The following SNX29 variants were observed in gnomAD, a reference collection of about 807,000 sequenced individuals.
SNX29 encodes the protein sorting nexin-29.
SNX29 carries 78 observed loss-of-function variants against 102.1 expected under a neutral mutation model. That is an observed-to-expected ratio of 0.76 (90% confidence interval 0.64 to 0.92). The LOEUF (loss-of-function observed/expected upper bound fraction) is 0.92. SNX29 is among the 40% of genes least tolerant of loss of function. SNX29 has a pLI of 0.00. For missense variants in SNX29, 1,280 were observed against 1,061.7 expected, an observed-to-expected ratio of 1.21 and a Z score of -2.86; for synonymous variants, 580 against 414.5, an observed-to-expected ratio of 1.40 and a Z score of -4.85.
At chr16:12,551,960 G>C (rs540170503) in intron 20 of SNX29, among the ~76,000 whole-genome samples, 1 of 152,136 alleles carries the variant, frequency 6.6e-6, no homozygotes, top group Non-Finnish European at 1.5e-5. Context: ...CCCCAGCCAG[G>C]CTGTGCCCAA....
chr16:12,393,865 G>C (rs1293437150), intron 16 of SNX29, among the ~76,000 whole-genome samples: 2 of 152,218 alleles, frequency 1.3e-5, no homozygotes, highest in Non-Finnish European at 2.9e-5. Context: ...TTTTCTAATA[G>C]GGCAATCAGA....
chr16:12,205,369 A>T (rs182048534), intron 14 of SNX29, among the ~76,000 whole-genome samples: 10 of 152,314 alleles, frequency 6.6e-5, no homozygotes, highest in Admixed American at 6.5e-4. Context: ...ATGGAACCTC[A>T]TAAATCCCGT....
chr16:12,472,529 CAAAAAAAAAAAAAACAAAA>C (rs1488378675), intron 18 of SNX29, among the ~76,000 whole-genome samples: 3 of 72,942 alleles, frequency 4.1e-5, no homozygotes. Context: ...AAAAAAAAAC[CAAAAAAAAAAAAAACAAAA>C]AAAAAAAGAA....
At chr16:12,568,203 C>T (rs545379646) in intron 20 of SNX29, among the ~76,000 whole-genome samples, 3 of 151,406 alleles carry the variant, frequency 2.0e-5, no homozygotes, top group Non-Finnish European at 4.4e-5. Flanking sequence ...AAAGCTGTGC[C>T]TAGAACATTC....
intron 15 of SNX29, among the ~76,000 whole-genome samples, chr16:12,345,454 G>A (rs372481642): frequency 1.3e-5 from 2 of 152,318 alleles, no homozygotes; most frequent in South Asian, 2.1e-4. Flanking sequence ...GGACCAGTGG[G>A]AGCTCTATCT....
intron 14 of SNX29, among the ~76,000 whole-genome samples, chr16:12,224,403 A>T (rs553239837): frequency 3.1e-4 from 47 of 151,990 alleles, no homozygotes; most frequent in Admixed American, 1.2e-3. Context: ...AGACATGGTC[A>T]CTCCCCCTGG....
intron 19 of SNX29, among the ~76,000 whole-genome samples, chr16:12,510,295 A>G (rs1031621183): frequency 6.6e-6 from 1 of 152,210 alleles, no homozygotes; most frequent in African/African-American, 2.4e-5. Context: ...TGTGCTGAAG[A>G]TGGATACAGG....
chr16:12,028,009 A>G (rs773532959), intron 4 of SNX29, among the ~76,000 whole-genome samples: 5 of 152,206 alleles, frequency 3.3e-5, no homozygotes, highest in Non-Finnish European at 5.9e-5. Context: ...CTGCCACTGT[A>G]CAGATGAGGA....
chr16:12,106,562 T>C (rs1168504509), intron 11 of SNX29, among the ~76,000 whole-genome samples: 1 of 151,096 alleles, frequency 6.6e-6, no homozygotes, highest in Non-Finnish European at 1.5e-5. Flanking sequence ...CAGCATCCAC[T>C]TCCCGGTCTC....
At chr16:12,430,287 T>G (rs933782257) in intron 18 of SNX29, among the ~76,000 whole-genome samples, 1 of 152,210 alleles carries the variant, frequency 6.6e-6, no homozygotes, top group African/African-American at 2.4e-5. Context: ...CTTTATTTTC[T>G]TTGTCTGCAC....
chr16:12,293,561 T>G, intron 15 of SNX29, among the ~76,000 whole-genome samples: 1 of 152,214 alleles, frequency 6.6e-6, no homozygotes, highest in East Asian at 1.9e-4. Flanking sequence ...AAATTGGACT[T>G]GGAATGACTT....
At chr16:12,520,240 G>A (rs1453132887) in intron 19 of SNX29, among the ~76,000 whole-genome samples, 1 of 152,204 alleles carries the variant, frequency 6.6e-6, no homozygotes, top group Admixed American at 6.5e-5. Flanking sequence ...GCACCCAGGT[G>A]TCAGGCTTCC....
At chr16:12,017,394 T>C (rs1407919447) in intron 3 of SNX29, among the ~76,000 whole-genome samples, 1 of 152,228 alleles carries the variant, frequency 6.6e-6, no homozygotes, top group Non-Finnish European at 1.5e-5. Context: ...CTTTTTATTT[T>C]TTGAGTTGCT....
intron 19 of SNX29, among the ~76,000 whole-genome samples, chr16:12,479,675 T>C (rs1164796635): frequency 1.3e-5 from 2 of 152,232 alleles, no homozygotes; most frequent in Non-Finnish European, 2.9e-5. Context: ...CATAGGCTCA[T>C]ACAAATCTTG....
chr16:12,105,304 A>G (rs2053189749), intron 11 of SNX29, among the ~76,000 whole-genome samples: 1 of 144,362 alleles, frequency 6.9e-6, no homozygotes, highest in African/African-American at 2.6e-5. Context: ...AGCTCACTGC[A>G]ACCTCTGCCT....
At chr16:12,050,517 G>C (rs76073105) in intron 7 of SNX29, among the ~76,000 whole-genome samples, 1 of 152,072 alleles carries the variant, frequency 6.6e-6, no homozygotes, top group Non-Finnish European at 1.5e-5. Flanking sequence ...TGGTTAGATT[G>C]GAAGATCCAA....
rs910331492 is a variant in SNX29, at chr16:12,332,845, C to T, written c.1783-23318C>T. On this transcript the variant is annotated intron_variant, in intron 15 of 20. Transcript: ENST00000566228. ...TCATTTCGTCTTGGCTGCTGTTGCC[C>T]GCCTGCTTCGTCACTCCATGTGCCC... Among the ~76,000 whole-genome samples, 12 of 152,072 alleles carry T rather than the reference C, an allele frequency of 7.9e-5. 1 individual carries two copies. Among genetic ancestry groups the T allele is most frequent in the Admixed American group, 3.9e-4 (6 of 15,262 alleles).
At chr16:12,111,786 G>A (rs1159284198) in intron 11 of SNX29, among the ~76,000 whole-genome samples, 1 of 152,160 alleles carries the variant, frequency 6.6e-6, no homozygotes, top group Non-Finnish European at 1.5e-5. Context: ...TCTTCAGGAG[G>A]CTGCTGGGGT....
At chr16:12,201,163 T>A (rs988713356) in intron 14 of SNX29, among the ~76,000 whole-genome samples, 1 of 152,254 alleles carries the variant, frequency 6.6e-6, no homozygotes, top group African/African-American at 2.4e-5. Context: ...GTGGTCATTC[T>A]GGAGTTATCA....
Sources: gnomAD v4.1 joint callset for allele counts (sites outside exome capture counted in the v4.1 genomes callset) on GRCh38, gnomAD v4.1.1 for gene constraint, MANE v1.5 for transcripts, NCBI Gene and HGNC (gene_info 2026-07-23, HGNC 2026-07-21) for gene names.